SNRNP40: variants seen among roughly 807,000 people sequenced by gnomAD.
SNRNP40 encodes the protein small nuclear ribonucleoprotein U5 subunit 40.
Under a neutral mutation model 45.8 loss-of-function variants are expected in SNRNP40, and 21 were observed. That is an observed-to-expected ratio of 0.46 (90% CI 0.32 to 0.66). The LOEUF is 0.66. Ranked by LOEUF, SNRNP40 falls within the 30% of genes least tolerant of loss-of-function variation. The pLI is 0.03. For missense variants in SNRNP40, 344 were observed against 439.1 expected (o/e 0.78, Z 1.94); for synonymous variants, 142 against 163.8 (o/e 0.87, Z 1.01).
chr1:31,296,542 C>T, intron 1 of SNRNP40, 69 bp downstream of exon 1: 3 of 1,523,968 alleles, frequency 2.0e-6, no homozygotes, highest in Non-Finnish European at 2.7e-6. Context: ...GGTCAGGGAT[C>T]ACCAGATACA....
chr1:31,282,412 G>A (rs1646022539), intron 4 of SNRNP40: 1 of 152,128 alleles, frequency 6.6e-6, no homozygotes, highest in Admixed American at 6.6e-5. Context: ...GGAAGGGCTG[G>A]GGAAGGAGAC....
At chr1:31,270,428 C>A (rs1569641149) in intron 6 of SNRNP40, among the ~76,000 whole-genome samples, 2 of 151,712 alleles carry the variant, frequency 1.3e-5, no homozygotes. Flanking sequence ...CCTGTCTTAT[C>A]AAAAAAATTA....
chr1:31,269,049 G>A (rs974445208), intron 7 of SNRNP40, 109 bp downstream of exon 7: 2 of 964,254 alleles, frequency 2.1e-6, no homozygotes, highest in African/African-American at 1.7e-5. Flanking sequence ...CAGTGTTATT[G>A]GAATGAAGTC....
chr1:31,289,166 C>T, intron 4 of SNRNP40, 88 bp downstream of exon 4: 1 of 1,244,170 alleles, frequency 8.0e-7, no homozygotes. Flanking sequence ...TTAAGTTTTG[C>T]ACAGGAAGCT....
chr1:31,293,252 T>G lies in SNRNP40; in HGVS notation c.238A>C (p.Thr80Pro), dbSNP rs1356897656. 1 of 1,614,036 alleles carries G rather than the reference T, an allele frequency of 6.2e-7. No homozygotes were observed. Among genetic ancestry groups the G allele is most frequent in the Non-Finnish European group, 8.5e-7 (1 of 1,179,988 alleles). ...YCCKFHPNGS[T>P]LASAGFDRLI... ...CGGTCAAATCCTGCAGATGCTAAGG[T>G]GGATCCGTTGGGGTGGAACTTGCAG... The change falls in exon 2 of 10, where the codon ACC becomes CCC. Residue 80 changes from threonine (T) to proline (P), a missense_variant. By Grantham distance (38) the Thr-to-Pro change is conservative. This residue lies in a region of SNRNP40 where 254 missense variants were observed against 380.2 expected (regional missense o/e 0.67). Coordinates refer to ENST00000263694, the MANE Select transcript of SNRNP40 (RefSeq NM_004814.3).
chr1:31,292,251 T>G (rs376283455), intron 2 of SNRNP40, among the ~76,000 whole-genome samples: 4 of 151,770 alleles, frequency 2.6e-5, no homozygotes, highest in African/African-American at 9.7e-5. Context: ...CAATCCCAGC[T>G]CTTGGGAGAC....
rs200339347 is a variant in SNRNP40 at position 31,268,286 on chromosome 1, GT to G, written c.859-355del. On this transcript the variant is annotated intron_variant, in intron 7 of 9. Coordinates refer to ENST00000263694, the MANE Select transcript of SNRNP40 (RefSeq NM_004814.3). ...AAACCCAACAAATAATAAATTTTGG[GT>G]TTTTTTTTTTTTTGAGACAGGGTCT... Among the ~76,000 whole-genome samples the G allele has an allele frequency of 3.5e-3, 409 of 117,660 alleles. 4 individuals are homozygous for G. The highest frequency in any genetic ancestry group is 0.011 in the African/African-American group (370 of 33,446). 77.2% of individuals were successfully genotyped at this position (117,660 alleles called of 152,430 possible).
intron 2 of SNRNP40, chr1:31,293,001 T>C (rs1040654461): frequency 1.8e-6 from 1 of 546,504 alleles, no homozygotes; most frequent in African/African-American, 1.9e-5. Flanking sequence ...CAACTCACTT[T>C]CCAACTAGTA....
chr1:31,279,270 C>T (rs1442384605), intron 5 of SNRNP40, among the ~76,000 whole-genome samples: 1 of 152,160 alleles, frequency 6.6e-6, no homozygotes, highest in Non-Finnish European at 1.5e-5. Context: ...TCTGTACAAT[C>T]GCATCAGTAG....
intron 5 of SNRNP40, among the ~76,000 whole-genome samples, chr1:31,274,889 C>T (rs369944787): frequency 4.8e-4 from 73 of 152,172 alleles, no homozygotes; most frequent in African/African-American, 1.7e-3. Context: ...AAAAGGGTTC[C>T]CACTCCTTAT....
chr1:31,277,611 T>C (rs1188662810), intron 5 of SNRNP40, among the ~76,000 whole-genome samples: 1 of 152,200 alleles, frequency 6.6e-6, no homozygotes. Context: ...CAGTGCTGGG[T>C]GCACTTCTAA....
intron 4 of SNRNP40, among the ~76,000 whole-genome samples, chr1:31,285,802 A>C (rs1030342135): frequency 2.6e-5 from 4 of 152,152 alleles, no homozygotes; most frequent in Non-Finnish European, 5.9e-5. Context: ...ACAGGTCATC[A>C]TCCCCAATTT....
At chr1:31,286,901 G>A (rs1310138218) in intron 4 of SNRNP40, among the ~76,000 whole-genome samples, 3 of 152,102 alleles carry the variant, frequency 2.0e-5, no homozygotes, top group Non-Finnish European at 4.4e-5. Context: ...CTGGCTTTAG[G>A]ACTGAACTGC....
chr1:31,280,404 C>T (rs531237774), intron 5 of SNRNP40, among the ~76,000 whole-genome samples: 132 of 152,092 alleles, frequency 8.7e-4, no homozygotes, highest in African/African-American at 3.1e-3. Flanking sequence ...CCTTGTGATC[C>T]ACCCGCCTCG....
At chr1:31,271,191 G>C in intron 6 of SNRNP40, 188 bp downstream of exon 6, 1 of 532,564 alleles carries the variant, frequency 1.9e-6, no homozygotes, top group African/African-American at 1.9e-5. Context: ...CTGATGCCTA[G>C]AGAGAAGAAA....
intron 5 of SNRNP40, among the ~76,000 whole-genome samples, chr1:31,273,341 G>A (rs1479356336): frequency 1.3e-5 from 2 of 152,068 alleles, no homozygotes; most frequent in South Asian, 2.1e-4. Context: ...AAGTATCCAG[G>A]ATTTGCCACA....
chr1:31,281,275 G>T, intron 5 of SNRNP40, 99 bp downstream of exon 5: 1 of 939,204 alleles, frequency 1.1e-6, no homozygotes, highest in Non-Finnish European at 1.6e-6. Context: ...CTTTCAGTTG[G>T]TATTAAGTGC....
rs149367643 is a variant in SNRNP40 at position 31,267,613 on chromosome 1, G to A, written c.920+258C>T. 2.7e-3 allele frequency among the ~76,000 whole-genome samples: 404 copies of A among 152,132 alleles called. 5 individuals are homozygous for A. Among genetic ancestry groups the A allele is most frequent in the African/African-American group, 9.4e-3 (391 of 41,492 alleles). On this transcript the variant is annotated intron_variant, in intron 8 of 9. Transcript: ENST00000263694. ...TGCAACGGCGTGATCTCGGCTCACCGCAACCTCTGCCTCCCAGGTTCAAGT... is the reference window on the plus strand; with the variant it reads ...TGCAACGGCGTGATCTCGGCTCACCACAACCTCTGCCTCCCAGGTTCAAGT...
chr1:31,268,120 CTG>C (rs890104197), intron 7 of SNRNP40, among the ~76,000 whole-genome samples, 188 bp from the exon 8 acceptor site: 7 of 152,046 alleles, frequency 4.6e-5, no homozygotes. Flanking sequence ...CATATAAAAA[CTG>C]TAGAAAATAC....
Sources: allele counts gnomAD v4.1 joint callset (sites outside exome capture counted in the v4.1 genomes callset), GRCh38; gene constraint gnomAD v4.1.1; regional missense constraint gnomAD v4.1.1; transcripts MANE v1.5; gene names NCBI Gene and HGNC (gene_info 2026-07-23, HGNC 2026-07-21).